LRRIQ1: variants seen among roughly 807,000 people sequenced by gnomAD.
LRRIQ1 encodes leucine rich repeats and IQ motif containing 1.
Under a neutral mutation model 211.9 loss-of-function variants are expected in LRRIQ1, and 210 were observed. The observed-to-expected ratio is 0.99, with a 90% CI of 0.89 to 1.11. LRRIQ1 has a LOEUF of 1.11. LRRIQ1 is among the 50% of genes most tolerant of loss of function. The pLI is 0.00. For missense variants in LRRIQ1, 2,136 were observed against 1,939.5 expected, an observed-to-expected ratio of 1.10 and a Z score of -1.90; for synonymous variants, 699 against 650.1, an observed-to-expected ratio of 1.08 and a Z score of -1.14.
chr12:85,128,849 A>G lies in LRRIQ1; in HGVS notation c.4209+816A>G, dbSNP rs149038562. ...GCAGTATAAAACATTACCATTTATT[A>G]TTGTAAAATTTTTGTAACTCAGAAG... On this transcript the variant is annotated intron_variant, in intron 18 of 26. Transcript: ENST00000393217. Among the ~76,000 whole-genome samples the G allele has an allele frequency of 2.6e-3, 391 of 152,328 alleles. 4 individuals carry two copies. Among genetic ancestry groups the G allele is most frequent in the African/African-American group, 9.2e-3 (384 of 41,566 alleles).
At chr12:85,231,035 C>A (rs1376138327) in intron 25 of LRRIQ1, among the ~76,000 whole-genome samples, 1 of 150,692 alleles carries the variant, frequency 6.6e-6, no homozygotes, top group African/African-American at 2.4e-5. Context: ...GCGACAGAGC[C>A]AGACTCCACC....
At chr12:85,109,586 A>T (rs567247142) in intron 15 of LRRIQ1, among the ~76,000 whole-genome samples, 2 of 152,264 alleles carry the variant, frequency 1.3e-5, no homozygotes, top group East Asian at 3.9e-4. Flanking sequence ...GACCTAGTAC[A>T]GTGGTTCTCA....
chr12:85,062,485 A>T (rs1881940348), intron 8 of LRRIQ1, among the ~76,000 whole-genome samples: 1 of 151,610 alleles, frequency 6.6e-6, no homozygotes, highest in Admixed American at 6.6e-5. Flanking sequence ...TTGGCTTGGG[A>T]TAGTGGTTTC....
At chr12:85,262,386 C>G (rs886745127) in intron 1 of LRRIQ1, among the ~76,000 whole-genome samples, 1 of 151,968 alleles carries the variant, frequency 6.6e-6, no homozygotes, top group Non-Finnish European at 1.5e-5. Context: ...TCCAGAGTCA[C>G]AAAGCTCTAT....
In LRRIQ1 at chr12:85,055,800, G is replaced by T. The variant is rs756097902; in HGVS notation, c.1007G>T (p.Arg336Leu). The T allele has an allele frequency of 1.1e-5, 18 of 1,594,498 alleles. No homozygotes were observed. In the Middle Eastern group the frequency reaches 8.5e-4, roughly 75 times the overall value. The change falls in exon 8 of 27, where the codon CGA (arginine) becomes CTA (leucine). Residue 336 changes from arginine (R) to leucine (L), a missense_variant. Arg to Leu is a moderately radical substitution (Grantham distance 102). Transcript: ENST00000393217. Reference protein sequence around the residue: ...AKIRQKEEENRKRLEEEQRIK... With the variant: ...AKIRQKEEENLKRLEEEQRIK... The stretch of plus-strand genomic sequence containing the variant: ...ATACGACAAAAGGAGGAAGAAAATC[G>T]AAAAAGATTAGAGGAGGAACAAAGG...
At chr12:85,067,033 TA>T (rs1467867235) in intron 10 of LRRIQ1, 135 bp downstream of exon 10, 4 of 469,096 alleles carry the variant, frequency 8.5e-6, no homozygotes, top group Admixed American at 4.2e-5. Flanking sequence ...AAATTTAGAT[TA>T]AAAAAATAAA....
intron 24 of LRRIQ1, among the ~76,000 whole-genome samples, chr12:85,171,314 G>A (rs539106551): frequency 2.0e-4 from 30 of 152,286 alleles, no homozygotes; most frequent in African/African-American, 7.0e-4. Context: ...ATAAAGAGAA[G>A]TGTGAGGCAG....
intron 15 of LRRIQ1, among the ~76,000 whole-genome samples, chr12:85,109,490 G>A (rs1404050003): frequency 6.6e-6 from 1 of 151,976 alleles, no homozygotes; most frequent in Non-Finnish European, 1.5e-5. Flanking sequence ...ATGTTTCCAC[G>A]TTTTAGAAAA....
intron 24 of LRRIQ1, among the ~76,000 whole-genome samples, chr12:85,200,582 A>G (rs1050618434): frequency 6.6e-6 from 1 of 152,092 alleles, no homozygotes; most frequent in African/African-American, 2.4e-5. Context: ...TCAGTATGAT[A>G]TTGGCTGTGG....
At chr12:85,041,568 G>C (rs998203554) in intron 3 of LRRIQ1, among the ~76,000 whole-genome samples, 1 of 151,478 alleles carries the variant, frequency 6.6e-6, no homozygotes, top group African/African-American at 2.4e-5. Flanking sequence ...AAGTATAAAG[G>C]CCCACTGAGT....
At chr12:85,046,181 AT>A (rs781741529) in intron 5 of LRRIQ1, 44 bp downstream of exon 5, 1 of 1,172,108 alleles carries the variant, frequency 8.5e-7, no homozygotes, top group Non-Finnish European at 1.2e-6. Flanking sequence ...TTTTTATATG[AT>A]TGATCATAGT....
rs768868972 is a variant in LRRIQ1 at position 85,098,449 on chromosome 12, A to G, written c.2982A>G (p.Val994=). 3 of 1,611,338 alleles carry G rather than the reference A, an allele frequency of 1.9e-6. No homozygotes were observed. Among genetic ancestry groups the G allele is most frequent in the African/African-American group, 2.7e-5 (2 of 74,850 alleles). The change falls in exon 12 of 27, where the codon GTA becomes GTG. Residue 994 remains valine (V), a synonymous_variant. Transcript: ENST00000393217. ...GTCTTTGTGATACACCTACCATTGTATACCTAGATTGCTCCCATAATCATC... is the reference window on the plus strand; with the variant it reads ...GTCTTTGTGATACACCTACCATTGTGTACCTAGATTGCTCCCATAATCATC... ...TKGLCDTPTI[V]YLDCSHNHLT... is the part of the protein sequence containing the mutation.
rs1228794217 is a variant in LRRIQ1, at chr12:85,115,204, T to C, written c.3378-6493T>C. Among the ~76,000 whole-genome samples, 5 of 152,268 alleles carry C rather than the reference T, an allele frequency of 3.3e-5. No individual in the cohort carries two copies. In the East Asian group the frequency reaches 9.7e-4, roughly 29 times the overall value. ...AGCTGGAAAAGCTAATGTTGAGATC[T>C]CACAGTATTCTGATACTTCATTTCC... On this transcript the variant is annotated intron_variant, in intron 15 of 26. Transcript: ENST00000393217.
chr12:85,153,671 A>G lies in LRRIQ1; in HGVS notation c.4550A>G (p.Asn1517Ser). 6.3e-7 allele frequency: 1 copy of G among 1,581,476 alleles called. No homozygotes were observed. Reference sequence around the variant, plus strand: ...TTTTTTTCTATTGCCAGATCAGAAAATAAAACTTCTTCCTGGACACCTGAA... The same window carrying G: ...TTTTTTTCTATTGCCAGATCAGAAAGTAAAACTTCTTCCTGGACACCTGAA... ...EHTQFNSRSE[N>S]KTSSWTPESK... Residue 1517 changes from asparagine to serine, a missense_variant, in exon 22 of 27, where the codon AAT becomes AGT. Coordinates refer to ENST00000393217, the MANE Select transcript of LRRIQ1 (RefSeq NM_001079910.2).
chr12:85,085,251 TG>T (rs1884703805), intron 11 of LRRIQ1, among the ~76,000 whole-genome samples: 1 of 152,186 alleles, frequency 6.6e-6, no homozygotes, highest in South Asian at 2.1e-4. Flanking sequence ...GGAACAGTTC[TG>T]CAACAGTTCT....
intron 23 of LRRIQ1, among the ~76,000 whole-genome samples, chr12:85,156,877 C>G (rs1455074151): frequency 6.6e-6 from 1 of 151,690 alleles, no homozygotes; most frequent in Non-Finnish European, 1.5e-5. Flanking sequence ...TAAATTATGG[C>G]CTACAATCTA....
chr12:85,166,847 G>A (rs1488108124), intron 24 of LRRIQ1, among the ~76,000 whole-genome samples: 1 of 152,184 alleles, frequency 6.6e-6, no homozygotes. Context: ...TTATCAGTAT[G>A]TCAGTCTCCA....
chr12:85,039,346 C>T (rs1261457089), intron 2 of LRRIQ1, among the ~76,000 whole-genome samples: 1 of 151,444 alleles, frequency 6.6e-6, no homozygotes, highest in African/African-American at 2.4e-5. Context: ...AGATTATGAA[C>T]TATATTTCCC....
In LRRIQ1 at chr12:85,127,812, T is replaced by G. The variant is rs1888473253; in HGVS notation, c.4008-20T>G. On this transcript the variant is annotated intron_variant, in intron 17 of 26. Transcript: ENST00000393217. ...ACAGATAATAAAAAAAGTGTGTGTTTTTTTTTCTCCTCTTAATAGTATGGC... is the reference window on the plus strand; with the variant it reads ...ACAGATAATAAAAAAAGTGTGTGTTGTTTTTTCTCCTCTTAATAGTATGGC... The G allele has an allele frequency of 6.2e-7, 1 of 1,601,258 alleles. No individual in the cohort carries two copies. The highest frequency in any genetic ancestry group is 8.5e-7 in the Non-Finnish European group (1 of 1,175,160).
Sources: gnomAD v4.1 joint callset for allele counts (sites outside exome capture counted in the v4.1 genomes callset) on GRCh38, gnomAD v4.1.1 for gene constraint, MANE v1.5 for transcripts, NCBI Gene and HGNC (gene_info 2026-07-23, HGNC 2026-07-21) for gene names.